The following PTPRD variants were observed in gnomAD, a reference collection of about 807,000 sequenced individuals.
The protein encoded by PTPRD is receptor-type tyrosine-protein phosphatase delta.
PTPRD carries 34 observed loss-of-function variants against 214.5 expected under a neutral mutation model. The observed-to-expected ratio is 0.16, with a 90% CI of 0.12 to 0.21. The LOEUF (loss-of-function observed/expected upper bound fraction) is 0.21, where lower values mean the gene tolerates loss of function less well. Among genes scored for constraint, PTPRD ranks in the 10% least tolerant of loss-of-function variants. The pLI is 1.00. For synonymous variants in PTPRD, 1,128 were observed against 845.7 expected, an observed-to-expected ratio of 1.33 and a Z score of -5.79; for missense variants, 2,545 against 2,398.7, an observed-to-expected ratio of 1.06 and a Z score of -1.27.
At chr9:10,441,747 A>C (rs187768355) in intron 2 of PTPRD, among the ~76,000 whole-genome samples, 1 of 151,826 alleles carries the variant, frequency 6.6e-6, no homozygotes. Flanking sequence ...TTAATAAATC[A>C]AAATAAATAA....
At chr9:9,731,318 C>G (rs977346440) in intron 7 of PTPRD, among the ~76,000 whole-genome samples, 1 of 152,032 alleles carries the variant, frequency 6.6e-6, no homozygotes, top group Non-Finnish European at 1.5e-5. Context: ...TTTCATTTCT[C>G]TCAAATGGCA....
At chr9:8,366,247 C>G (rs1366337268) in intron 39 of PTPRD, among the ~76,000 whole-genome samples, 1 of 152,152 alleles carries the variant, frequency 6.6e-6, no homozygotes. Context: ...GGAAGAGCCA[C>G]AGTTAATCCT....
chr9:10,071,701 T>C (rs1000668663), intron 3 of PTPRD, among the ~76,000 whole-genome samples: 4 of 151,574 alleles, frequency 2.6e-5, no homozygotes, highest in African/African-American at 7.3e-5. Flanking sequence ...ATGAGAAAAA[T>C]TTATGTGACT....
intron 6 of PTPRD, among the ~76,000 whole-genome samples, chr9:9,753,388 G>T (rs1050035728): frequency 7.9e-5 from 12 of 152,036 alleles, no homozygotes; most frequent in Non-Finnish European, 1.6e-4. Context: ...GTATAGTTAA[G>T]TGTCTGTCAG....
chr9:8,527,595 C>G (rs552996111), intron 15 of PTPRD, among the ~76,000 whole-genome samples: 37 of 152,160 alleles, frequency 2.4e-4, no homozygotes, highest in African/African-American at 8.4e-4. Context: ...GCTGAGAATT[C>G]TGGGAAGACA....
At chr9:10,291,276 G>C (rs534024606) in intron 3 of PTPRD, among the ~76,000 whole-genome samples, 1 of 152,128 alleles carries the variant, frequency 6.6e-6, no homozygotes, top group African/African-American at 2.4e-5. Flanking sequence ...AAGTCAACCA[G>C]ATGCAGAGGC....
At chr9:9,778,365 G>A (rs1483433948) in intron 5 of PTPRD, among the ~76,000 whole-genome samples, 1 of 152,138 alleles carries the variant, frequency 6.6e-6, no homozygotes, top group Non-Finnish European at 1.5e-5. Flanking sequence ...TCTGGCAGGG[G>A]GATTTCCCTG....
At chr9:9,238,638 A>G (rs1043392135) in intron 9 of PTPRD, among the ~76,000 whole-genome samples, 9 of 152,290 alleles carry the variant, frequency 5.9e-5, no homozygotes, top group Middle Eastern at 3.4e-3. Context: ...CTTCCATTTT[A>G]GAATAAGCTG....
intron 3 of PTPRD, among the ~76,000 whole-genome samples, chr9:10,254,786 A>G (rs748331182): frequency 4.6e-5 from 7 of 152,174 alleles, no homozygotes; most frequent in Non-Finnish European, 1.5e-5. Flanking sequence ...TGTGGACAGA[A>G]TTTCTATAAG....
At chr9:10,079,448 C>T (rs577514117) in intron 3 of PTPRD, among the ~76,000 whole-genome samples, 1 of 152,118 alleles carries the variant, frequency 6.6e-6, no homozygotes, top group Non-Finnish European at 1.5e-5. Context: ...TATTTTTCCC[C>T]TCCCCTGAAG....
intron 9 of PTPRD, among the ~76,000 whole-genome samples, chr9:9,309,076 C>A (rs1167294800): frequency 1.3e-5 from 2 of 151,896 alleles, no homozygotes; most frequent in African/African-American, 2.4e-5. Context: ...CTGCAATGTA[C>A]AAATAAAAAT....
intron 10 of PTPRD, among the ~76,000 whole-genome samples, chr9:9,141,666 TA>T (rs1022376262): frequency 3.4e-4 from 51 of 151,150 alleles, no homozygotes; most frequent in Non-Finnish European, 1.0e-4. Flanking sequence ...CAACACCCAT[TA>T]AAAAATCTGA....
At chr9:10,031,639 T>TACACACAC (rs1227970344) in intron 4 of PTPRD, among the ~76,000 whole-genome samples, 2 of 75,362 alleles carry the variant, frequency 2.7e-5, no homozygotes, top group African/African-American at 1.0e-4. Flanking sequence ...TATATATATA[T>TACACACAC]ATATATATAC....
chr9:10,255,932 G>A (rs867473076), intron 3 of PTPRD, among the ~76,000 whole-genome samples: 5 of 152,168 alleles, frequency 3.3e-5, no homozygotes, highest in African/African-American at 9.7e-5. Flanking sequence ...TGTCCTTGGC[G>A]TGTTAGGAAC....
intron 4 of PTPRD, among the ~76,000 whole-genome samples, chr9:9,939,739 T>G (rs528701883): frequency 6.6e-6 from 1 of 152,124 alleles, no homozygotes; most frequent in Non-Finnish European, 1.5e-5. Flanking sequence ...TGGAACCACT[T>G]ATTTTGTCTC....
chr9:10,342,185 C>T (rs542273217), intron 2 of PTPRD, among the ~76,000 whole-genome samples: 38 of 152,080 alleles, frequency 2.5e-4, no homozygotes, highest in African/African-American at 8.9e-4. Context: ...ATCATCAGAT[C>T]GTATTGACTC....
At chr9:9,442,801 CTGTTTAGTGTTTTACCCTAAACAT>C (rs1361246221) in intron 8 of PTPRD, among the ~76,000 whole-genome samples, 2 of 152,062 alleles carry the variant, frequency 1.3e-5, no homozygotes, top group Admixed American at 1.3e-4. Flanking sequence ...TTTAATGTTT[CTGTTTAGTGTTTTACCCTAAACAT>C]GACTATAAAG....
At chr9:9,128,359 A>T (rs1021193873) in intron 10 of PTPRD, among the ~76,000 whole-genome samples, 2 of 152,252 alleles carry the variant, frequency 1.3e-5, no homozygotes, top group African/African-American at 4.8e-5. Context: ...ACACATATAC[A>T]TGCACATACT....
intron 14 of PTPRD, among the ~76,000 whole-genome samples, chr9:8,609,266 C>T (rs760049650): frequency 2.6e-5 from 4 of 152,114 alleles, no homozygotes; most frequent in East Asian, 1.9e-4. Flanking sequence ...AGTGTGTTCA[C>T]GTGGCAGCAC....
Sources: gnomAD v4.1 joint callset for allele counts (sites outside exome capture counted in the v4.1 genomes callset) on GRCh38, gnomAD v4.1.1 for gene constraint, MANE v1.5 for transcripts, NCBI Gene and HGNC (gene_info 2026-07-23, HGNC 2026-07-21) for gene names.